Variants in REPS2 observed in about 807,000 individuals in gnomAD.
REPS2 encodes ralBP1-associated Eps domain-containing protein 2.
In REPS2, 23 loss-of-function variants were observed where a neutral mutation model predicts 53.6. The ratio of observed to expected loss-of-function variants is 0.43; its 90% CI spans 0.31 to 0.61. The LOEUF (loss-of-function observed/expected upper bound fraction) is 0.61, where lower values mean the gene tolerates loss of function less well. REPS2 is among the 20% of genes least tolerant of loss of function. The pLI, the probability that REPS2 is intolerant of heterozygous loss-of-function variation, is 0.11. For synonymous variants in REPS2, 238 were observed against 218.6 expected (o/e 1.09, Z -0.78); for missense variants, 446 against 534.9 (o/e 0.83, Z 1.64).
intron 1 of REPS2, among the ~76,000 whole-genome samples, chrX:16,968,652 C>A (rs750617420): frequency 3.0e-5 from 3 of 99,497 alleles, no homozygotes; most frequent in Non-Finnish European, 2.1e-5. Flanking sequence ...GGGGGCTGAC[C>A]CCCCCACCTC....
At chrX:17,075,048 G>T (rs928786250) in intron 12 of REPS2, among the ~76,000 whole-genome samples, 3 of 111,666 alleles carry the variant, frequency 2.7e-5, no homozygotes, top group Non-Finnish European at 5.6e-5. Context: ...CCAAATTGGG[G>T]TTTTGTTTCC....
At chrX:17,188,349 C>T in the REPS2 span, among the ~76,000 whole-genome samples, 1 of 112,147 alleles carries the variant, frequency 8.9e-6, no homozygotes, top group Non-Finnish European at 1.9e-5. Flanking sequence ...TGGTCCCACT[C>T]TTTTTGAGGA....
the REPS2 span, among the ~76,000 whole-genome samples, chrX:17,192,539 G>C: frequency 9.0e-6 from 1 of 111,644 alleles, no homozygotes; most frequent in Non-Finnish European, 1.9e-5. Context: ...AGGAGGACAG[G>C]AAAAAAGGGT....
intron 9 of REPS2, among the ~76,000 whole-genome samples, chrX:17,068,087 G>T (rs1305030375): frequency 1.8e-5 from 2 of 111,477 alleles, no homozygotes; most frequent in Non-Finnish European, 3.8e-5. Context: ...GCTGAGGCGG[G>T]TGGATCACGA....
intron 1 of REPS2, among the ~76,000 whole-genome samples, chrX:16,971,265 G>A (rs190498644): frequency 2.4e-3 from 266 of 112,166 alleles, no homozygotes; most frequent in Middle Eastern, 4.6e-3. Flanking sequence ...GTCTTTTCAC[G>A]TGCTTATTGG....
chrX:17,029,812 C>T (rs753063385), intron 5 of REPS2, among the ~76,000 whole-genome samples, 189 bp downstream of exon 5: 6 of 112,450 alleles, frequency 5.3e-5, no homozygotes, highest in South Asian at 3.7e-4. Context: ...TATGTCTCTA[C>T]GCCTTCTCAG....
intron 13 of REPS2, among the ~76,000 whole-genome samples, chrX:17,099,164 C>T (rs985313972): frequency 9.0e-6 from 1 of 111,603 alleles, no homozygotes; most frequent in African/African-American, 3.3e-5. Context: ...AAGTCTCTCA[C>T]AGTCCGTATT....
intron 1 of REPS2, among the ~76,000 whole-genome samples, chrX:16,979,795 CTT>C (rs371364287): frequency 9.8e-6 from 1 of 101,860 alleles, no homozygotes; most frequent in Non-Finnish European, 2.0e-5. Flanking sequence ...TAGGTTATTA[CTT>C]TTTTTTTTTT....
chrX:17,102,028 T>TTTATGTTATGTTATG (rs778594430), intron 13 of REPS2, among the ~76,000 whole-genome samples: 11 of 95,296 alleles, frequency 1.2e-4, no homozygotes, highest in Non-Finnish European at 2.2e-4. Context: ...TTTATTTTAT[T>TTTATGTTATGTTATG]TTATGTTATG....
chrX:17,094,851 G>A (rs1569172904), intron 13 of REPS2, among the ~76,000 whole-genome samples: 1 of 109,287 alleles, frequency 9.2e-6, no homozygotes, highest in Non-Finnish European at 1.9e-5. Flanking sequence ...TAAGGGTATA[G>A]CTTTTTTTTT....
chrX:17,099,850 G>A (rs2062761756), intron 13 of REPS2: 5 of 616,085 alleles, frequency 8.1e-6, no homozygotes, highest in South Asian at 4.4e-5. Flanking sequence ...ATGACAACCC[G>A]TGGGCATTTG....
intron 1 of REPS2, among the ~76,000 whole-genome samples, chrX:16,995,365 C>A (rs2061222740): frequency 8.9e-6 from 1 of 112,356 alleles, no homozygotes; most frequent in Admixed American, 9.4e-5. Context: ...GAATTTGGTT[C>A]ATGTAACATT....
rs1453059625 is a variant in REPS2, at chrX:17,069,941, T to G, written c.1281T>G (p.Ala427=). 1 of 1,120,848 alleles carries G rather than the reference T, an allele frequency of 8.9e-7. No individual in the cohort carries two copies. The highest frequency in any genetic ancestry group is 1.2e-6 in the Non-Finnish European group (1 of 847,413). The allele number at this position is 1,120,848 out of a possible 1,213,427, so 92.4% of individuals were successfully genotyped here. A position where few individuals can be genotyped will look rare whatever the true frequency, so the allele number is the denominator to read the frequency against. The change falls in exon 11 of 18, where the codon GCT becomes GCG. Residue 427 remains alanine (A), a splice_region_variant and synonymous_variant. Coordinates refer to ENST00000357277, the MANE Select transcript of REPS2 (RefSeq NM_004726.3). The part of the protein sequence containing the change: ...NQDVTSDDKQ[A]LKSTINEALP... Reference sequence around the variant, plus strand: ...GCTTAAAAAACAAAACACAACTAGCTTTGAAAAGTACTATCAATGAAGCCT... The same window carrying G: ...GCTTAAAAAACAAAACACAACTAGCGTTGAAAAGTACTATCAATGAAGCCT...
chrX:16,971,734 A>G (rs1032550230), intron 1 of REPS2, among the ~76,000 whole-genome samples: 5 of 112,163 alleles, frequency 4.5e-5, no homozygotes, highest in Non-Finnish European at 9.4e-5. Context: ...ATACTTTTGT[A>G]TATGGATATC....
At chrX:17,033,137 T>C (rs956287315) in intron 5 of REPS2, among the ~76,000 whole-genome samples, 2 of 112,183 alleles carry the variant, frequency 1.8e-5, no homozygotes, top group Non-Finnish European at 3.8e-5. Flanking sequence ...CCTCTGTTTT[T>C]GCCAGGGTCA....
At chrX:17,058,986 G>A (rs1309855085) in intron 8 of REPS2, among the ~76,000 whole-genome samples, 2 of 108,330 alleles carry the variant, frequency 1.8e-5, no homozygotes, top group African/African-American at 6.7e-5. Context: ...ATCTCATTTA[G>A]TGTTTTTCTT....
At chrX:17,042,197 T>C (rs1009540056) in intron 5 of REPS2, among the ~76,000 whole-genome samples, 1 of 111,891 alleles carries the variant, frequency 8.9e-6, no homozygotes, top group Non-Finnish European at 1.9e-5. Flanking sequence ...GAGCTCAAAA[T>C]TGGCACCAAG....
intron 2 of REPS2, among the ~76,000 whole-genome samples, chrX:17,016,330 A>G (rs922218690): frequency 1.8e-5 from 2 of 112,814 alleles, no homozygotes; most frequent in African/African-American, 3.2e-5. Flanking sequence ...AGCCATGGAC[A>G]GCATGTAATC....
At chrX:16,980,204 G>T (rs913408530) in intron 1 of REPS2, among the ~76,000 whole-genome samples, 1 of 109,114 alleles carries the variant, frequency 9.2e-6, no homozygotes, top group Non-Finnish European at 1.9e-5. Context: ...TGCCTCCCAG[G>T]TTCAAGTGAT....
Sources: allele counts gnomAD v4.1 joint callset (sites outside exome capture counted in the v4.1 genomes callset), GRCh38; gene constraint gnomAD v4.1.1; transcripts MANE v1.5; gene names NCBI Gene and HGNC (gene_info 2026-07-23, HGNC 2026-07-21).